Variants in ATP8A2 observed in about 807,000 individuals in gnomAD.
ATP8A2 encodes the protein ATPase phospholipid transporting 8A2.
A neutral mutation model predicts 165.6 loss-of-function variants in ATP8A2; 100 were observed. That is an observed-to-expected ratio of 0.60 (90% CI 0.51 to 0.71). The LOEUF (loss-of-function observed/expected upper bound fraction) is 0.71. Among genes scored for constraint, ATP8A2 ranks in the 30% least tolerant of loss-of-function variants. ATP8A2 has a pLI of 0.00. For synonymous variants in ATP8A2, 543 were observed against 548.8 expected, an observed-to-expected ratio of 0.99 and a Z score of 0.15; for missense variants, 1,227 against 1,479.5, an observed-to-expected ratio of 0.83 and a Z score of 2.80.
intron 24 of ATP8A2, among the ~76,000 whole-genome samples, chr13:25,673,979 G>A (rs2042318858): frequency 6.6e-6 from 1 of 152,134 alleles, no homozygotes; most frequent in South Asian, 2.1e-4. Context: ...TGTTTTTTGT[G>A]GTTCAGCAGA....
At chr13:25,789,686 C>T (rs1201969310) in intron 27 of ATP8A2, among the ~76,000 whole-genome samples, 1 of 152,212 alleles carries the variant, frequency 6.6e-6, no homozygotes, top group African/African-American at 2.4e-5. Context: ...CTATTCCTGT[C>T]AAACGACAAG....
chr13:25,688,852 G>A (rs963275415), intron 24 of ATP8A2, among the ~76,000 whole-genome samples: 4 of 152,088 alleles, frequency 2.6e-5, no homozygotes, highest in African/African-American at 9.7e-5. Flanking sequence ...CCAAATGTGA[G>A]CCTGTGCTCC....
intron 1 of ATP8A2, among the ~76,000 whole-genome samples, chr13:25,416,592 G>A (rs2034138477): frequency 6.6e-6 from 1 of 152,188 alleles, no homozygotes. Flanking sequence ...CAGCATTAAT[G>A]TCTGCATATT....
At chr13:25,662,293 C>T (rs1264611121) in intron 24 of ATP8A2, among the ~76,000 whole-genome samples, 2 of 152,102 alleles carry the variant, frequency 1.3e-5, no homozygotes, top group Admixed American at 1.3e-4. Flanking sequence ...GCTCACACCC[C>T]AGTTGTTTTG....
intron 27 of ATP8A2, among the ~76,000 whole-genome samples, chr13:25,793,432 A>T (rs1033773926): frequency 6.6e-6 from 1 of 152,190 alleles, no homozygotes; most frequent in Admixed American, 6.5e-5. Flanking sequence ...AAGCATAGAG[A>T]TGAAAATTTT....
intron 25 of ATP8A2, among the ~76,000 whole-genome samples, chr13:25,707,887 C>T (rs1470204242): frequency 6.6e-6 from 1 of 152,144 alleles, no homozygotes; most frequent in Non-Finnish European, 1.5e-5. Flanking sequence ...GTAATGAAGC[C>T]CTTTCCTCTT....
In ATP8A2 at chr13:25,930,815, T is replaced by G. The variant is rs188591698; in HGVS notation, c.3184-30760T>G. Among the ~76,000 whole-genome samples, 32 of 152,314 alleles carry G rather than the reference T, an allele frequency of 2.1e-4. 1 individual carries two copies. In the East Asian group the frequency reaches 6.0e-3, roughly 29 times the overall value. On this transcript the variant is annotated intron_variant, in intron 33 of 36. Coordinates refer to ENST00000381655, the MANE Select transcript of ATP8A2 (RefSeq NM_016529.6). ...TAGAATCTCAGCCACCCAGCTGCCA[T>G]GCATGGGCCTTAGGGTCTGGCTGCA...
chr13:25,464,928 C>A (rs1394956639), intron 1 of ATP8A2, among the ~76,000 whole-genome samples: 1 of 152,218 alleles, frequency 6.6e-6, no homozygotes, highest in Non-Finnish European at 1.5e-5. Flanking sequence ...CCTTGACCTT[C>A]CACTCTCTTG....
intron 35 of ATP8A2, among the ~76,000 whole-genome samples, chr13:25,973,319 C>G: frequency 6.6e-6 from 1 of 152,130 alleles, no homozygotes; most frequent in East Asian, 1.9e-4. Context: ...GTAATCTGGA[C>G]GGCCCATCAC....
At chr13:25,862,271 G>A (rs1481120413) in intron 32 of ATP8A2, 30 bp from the exon 33 acceptor site, 1 of 1,557,678 alleles carries the variant, frequency 6.4e-7, no homozygotes. Flanking sequence ...TGGTCGAGAA[G>A]CCTGTCTGAG....
chr13:25,457,463 A>C (rs752985705), intron 1 of ATP8A2, among the ~76,000 whole-genome samples: 53 of 152,222 alleles, frequency 3.5e-4, no homozygotes, highest in Non-Finnish European at 6.5e-4. Flanking sequence ...ACCTGTGGGC[A>C]TTGAGCTGGT....
At chr13:25,444,570 G>A (rs1192849179) in intron 1 of ATP8A2, among the ~76,000 whole-genome samples, 3 of 151,716 alleles carry the variant, frequency 2.0e-5, no homozygotes, top group East Asian at 1.9e-4. Context: ...ACTTATGGGT[G>A]TGCAGTGATA....
intron 19 of ATP8A2, among the ~76,000 whole-genome samples, chr13:25,576,034 T>A (rs1242541776): frequency 6.6e-6 from 1 of 152,214 alleles, no homozygotes; most frequent in Non-Finnish European, 1.5e-5. Flanking sequence ...TGGACTCATC[T>A]CTTTCCCAGT....
chr13:25,508,674 A>C (rs1353359232), intron 2 of ATP8A2, among the ~76,000 whole-genome samples: 1 of 152,244 alleles, frequency 6.6e-6, no homozygotes, highest in Non-Finnish European at 1.5e-5. Context: ...ATGGAAACGT[A>C]TATAGGTTGT....
At chr13:25,810,405 G>A (rs1255507814) in intron 27 of ATP8A2, among the ~76,000 whole-genome samples, 1 of 151,738 alleles carries the variant, frequency 6.6e-6, no homozygotes, top group Non-Finnish European at 1.5e-5. Context: ...ACATTTTACT[G>A]TCTTTAATAA....
Position 25,571,903 on chromosome 13 carries a change from A to T in ATP8A2, c.1662+211A>T, listed in dbSNP as rs1486762534. 6 of 578,822 alleles carry T rather than the reference A, an allele frequency of 1.0e-5. No individual in the cohort carries two copies. The South Asian group carries it at 1.1e-4, about 11-fold the overall frequency. 35.9% of individuals were successfully genotyped at this position (578,822 alleles called of 1,614,324 possible). A position where few individuals can be genotyped will look rare whatever the true frequency, so the allele number is the denominator to read the frequency against. ...TTTCCCCTTCAAGATGCTTTTCCAC[A>T]TGTCTTTCATACACTGATGTGAAAT... On this transcript the variant is annotated intron_variant, in intron 18 of 36. Transcript: ENST00000381655.
intron 1 of ATP8A2, among the ~76,000 whole-genome samples, chr13:25,419,372 C>T (rs2034229988): frequency 6.6e-6 from 1 of 152,126 alleles, no homozygotes; most frequent in African/African-American, 2.4e-5. Context: ...ATGGCTGAGG[C>T]CCCCATCTGT....
At chr13:25,705,617 G>T (rs1218062843) in intron 25 of ATP8A2, among the ~76,000 whole-genome samples, 2 of 152,290 alleles carry the variant, frequency 1.3e-5, no homozygotes, top group South Asian at 4.1e-4. Context: ...CCGAGTGGAC[G>T]CACTGAATGT....
chr13:25,819,720 G>A (rs1222797509), intron 27 of ATP8A2, among the ~76,000 whole-genome samples: 1 of 150,960 alleles, frequency 6.6e-6, no homozygotes, highest in Non-Finnish European at 1.5e-5. Context: ...AAAACAAGAT[G>A]GGTTTTTATA....
Sources: gnomAD v4.1 joint callset for allele counts (sites outside exome capture counted in the v4.1 genomes callset) on GRCh38, gnomAD v4.1.1 for gene constraint, MANE v1.5 for transcripts, NCBI Gene and HGNC (gene_info 2026-07-23, HGNC 2026-07-21) for gene names.